The following SCAMP1 variants were observed in gnomAD, a reference collection of about 807,000 sequenced individuals.
SCAMP1 encodes the protein secretory carrier membrane protein 1, also known as secretory carrier-associated membrane protein 1.
SCAMP1 carries 15 observed loss-of-function variants against 41.8 expected under a neutral mutation model. The observed-to-expected ratio is 0.36, with a 90% CI of 0.24 to 0.55. SCAMP1 has a LOEUF of 0.55. Among genes scored for constraint, SCAMP1 ranks in the 20% least tolerant of loss-of-function variants. SCAMP1 has a pLI of 0.86. For synonymous variants in SCAMP1, 135 were observed against 136.8 expected (o/e 0.99, Z 0.09); for missense variants, 341 against 412.6 (o/e 0.83, Z 1.50).
intron 5 of SCAMP1, among the ~76,000 whole-genome samples, chr5:78,421,257 A>G (rs139382473): frequency 6.6e-6 from 1 of 152,356 alleles, no homozygotes; most frequent in East Asian, 1.9e-4. Context: ...TTAATCCTCT[A>G]CCAAAACGCA....
chr5:78,474,513 C>T (rs1431820934), intron 8 of SCAMP1, among the ~76,000 whole-genome samples: 2 of 152,128 alleles, frequency 1.3e-5, no homozygotes, highest in Admixed American at 1.3e-4. Context: ...AACTACTTTC[C>T]CAAATGCAAG....
At chr5:78,428,126 A>C (rs971596852) in intron 6 of SCAMP1, among the ~76,000 whole-genome samples, 2 of 151,006 alleles carry the variant, frequency 1.3e-5, no homozygotes, top group Non-Finnish European at 2.9e-5. Context: ...ATGGCCATAA[A>C]GATTTTCTCT....
chr5:78,367,241 T>C (rs1462786881), intron 1 of SCAMP1, among the ~76,000 whole-genome samples: 1 of 152,240 alleles, frequency 6.6e-6, no homozygotes, highest in African/African-American at 2.4e-5. Context: ...TATTTACCAC[T>C]GTCTCACTTA....
At chr5:78,452,757 C>T (rs1459814208) in intron 7 of SCAMP1, among the ~76,000 whole-genome samples, 4 of 148,004 alleles carry the variant, frequency 2.7e-5, no homozygotes, top group South Asian at 4.3e-4. Context: ...CCTGAGGAAT[C>T]GCCACACTGA....
chr5:78,432,473 G>C (rs1752648511), intron 6 of SCAMP1, among the ~76,000 whole-genome samples: 1 of 151,994 alleles, frequency 6.6e-6, no homozygotes, highest in Non-Finnish European at 1.5e-5. Context: ...AGTATAATAT[G>C]GGTTCACAGG....
chr5:78,443,080 G>A (rs1015388759), intron 6 of SCAMP1, among the ~76,000 whole-genome samples: 1 of 151,908 alleles, frequency 6.6e-6, no homozygotes, highest in Non-Finnish European at 1.5e-5. Context: ...GGGTGTGGTG[G>A]TGGGTGCCTG....
chr5:78,426,072 G>A (rs1025766928), intron 6 of SCAMP1, among the ~76,000 whole-genome samples: 26 of 152,060 alleles, frequency 1.7e-4, no homozygotes, highest in African/African-American at 6.0e-4. Flanking sequence ...GTGTTAGTCT[G>A]CTGAGAATGA....
At chr5:78,377,097 G>A (rs1751083759) in intron 1 of SCAMP1, among the ~76,000 whole-genome samples, 1 of 151,842 alleles carries the variant, frequency 6.6e-6, no homozygotes, top group African/African-American at 2.4e-5. Flanking sequence ...TAGACAATGT[G>A]GGAGGTAAGG....
chr5:78,362,731 CCCT>C (rs1308208048), intron 1 of SCAMP1, among the ~76,000 whole-genome samples: 7 of 151,848 alleles, frequency 4.6e-5, no homozygotes, highest in African/African-American at 7.3e-5. Flanking sequence ...GTTCACCTGC[CCCT>C]CCTCCTCACA....
intron 6 of SCAMP1, 120 bp from the exon 7 acceptor site, chr5:78,449,813 T>G: frequency 1.7e-6 from 1 of 593,096 alleles, no homozygotes. Flanking sequence ...TTGTTTGTGC[T>G]TTTAAGGTTT....
intron 8 of SCAMP1, among the ~76,000 whole-genome samples, chr5:78,469,721 T>C (rs1185201706): frequency 6.6e-6 from 1 of 151,304 alleles, no homozygotes; most frequent in East Asian, 1.9e-4. Flanking sequence ...TCACATACAA[T>C]TCACCCATTT....
rs1753997884 is a variant in SCAMP1, at chr5:78,476,110, C to T, written c.*442C>T. 2 of 152,614 alleles carry T rather than the reference C, an allele frequency of 1.3e-5. No individual in the cohort carries two copies. Among genetic ancestry groups the T allele is most frequent in the South Asian group, 4.1e-4 (2 of 4,832 alleles). 9.5% of individuals were successfully genotyped at this position (152,614 alleles called of 1,614,324 possible). A position where few individuals can be genotyped will look rare whatever the true frequency, so the allele number is the denominator to read the frequency against. ...ATTGAAAGAAATAGGCCAGCAGAGA[C>T]TTAGGGATTTTAAATTGGCTTGCTT... On this transcript the variant is annotated 3_prime_UTR_variant, in exon 9 of 9. Coordinates refer to ENST00000621999, the MANE Select transcript of SCAMP1 (RefSeq NM_004866.6).
At chr5:78,411,287 C>T (rs1255596785) in intron 2 of SCAMP1, among the ~76,000 whole-genome samples, 1 of 151,950 alleles carries the variant, frequency 6.6e-6, no homozygotes, top group Non-Finnish European at 1.5e-5. Context: ...ATTTAAAGGA[C>T]CATACTTTTC....
intron 2 of SCAMP1, among the ~76,000 whole-genome samples, chr5:78,397,910 A>C (rs1751693106): frequency 1.3e-5 from 2 of 152,264 alleles, no homozygotes; most frequent in Non-Finnish European, 1.5e-5. Context: ...ACCACTTCAC[A>C]TCCATTAGGA....
Position 78,459,270 on chromosome 5 carries a change from C to G in SCAMP1, c.760C>G (p.Leu254Val). 1 of 1,598,518 alleles carries G rather than the reference C, an allele frequency of 6.3e-7. No individual in the cohort carries two copies. The highest frequency in any genetic ancestry group is 8.6e-7 in the Non-Finnish European group (1 of 1,166,994). ...TGGTTGGATTTCATCCCTTACTGGT[C>G]TCAACCAAAATATTCCTGTTGGAAT... ...NCGWISSLTG[L>V]NQNIPVGIMM... Residue 254 changes from leucine to valine, a missense_variant, in exon 8 of 9, where the codon CTC becomes GTC. By Grantham distance (32) the Leu-to-Val change is conservative (BLOSUM62 1). Transcript: ENST00000621999.
chr5:78,388,549 G>A (rs1255532512), intron 1 of SCAMP1, among the ~76,000 whole-genome samples: 3 of 152,206 alleles, frequency 2.0e-5, no homozygotes, highest in African/African-American at 7.2e-5. Flanking sequence ...TGTGTAGTCA[G>A]TTCCACACAG....
At chr5:78,374,111 A>G (rs1380178286) in intron 1 of SCAMP1, among the ~76,000 whole-genome samples, 1 of 152,122 alleles carries the variant, frequency 6.6e-6, no homozygotes, top group East Asian at 1.9e-4. Context: ...GGGATACAAG[A>G]TAAAGAGAAT....
At chr5:78,426,226 T>C (rs1752467501) in intron 6 of SCAMP1, among the ~76,000 whole-genome samples, 1 of 152,222 alleles carries the variant, frequency 6.6e-6, no homozygotes, top group African/African-American at 2.4e-5. Flanking sequence ...TCCAAGTCTT[T>C]GCTGTTGTGA....
At chr5:78,371,977 G>T (rs1023846775) in intron 1 of SCAMP1, among the ~76,000 whole-genome samples, 5 of 152,108 alleles carry the variant, frequency 3.3e-5, no homozygotes, top group Non-Finnish European at 7.4e-5. Flanking sequence ...TTGATTGATA[G>T]TAGAAGAAAA....
Sources: allele counts gnomAD v4.1 joint callset (sites outside exome capture counted in the v4.1 genomes callset), GRCh38; gene constraint gnomAD v4.1.1; transcripts MANE v1.5; gene names NCBI Gene and HGNC (gene_info 2026-07-23, HGNC 2026-07-21).